DOCK7: variants seen among roughly 807,000 people sequenced by gnomAD.
The protein encoded by DOCK7 is dedicator of cytokinesis 7, also known as dedicator of cytokinesis protein 7.
A neutral mutation model predicts 271.0 loss-of-function variants in DOCK7; 138 were observed. That is an observed-to-expected ratio of 0.51 (90% confidence interval 0.44 to 0.59). The LOEUF is 0.59. DOCK7 is among the 20% of genes least tolerant of loss of function. The pLI is 0.00. For missense variants in DOCK7, 2,066 were observed against 2,592.4 expected (o/e 0.80, Z 4.41); for synonymous variants, 823 against 876.1 (o/e 0.94, Z 1.07).
At chr1:62,475,535 G>A in intron 46 of DOCK7, 172 bp downstream of exon 46, 1 of 1,054,746 alleles carries the variant, frequency 9.5e-7, no homozygotes, top group African/African-American at 1.6e-5. Flanking sequence ...AAAAGCTGGG[G>A]GTGAATTAGG....
intron 11 of DOCK7, 100 bp downstream of exon 11, chr1:62,631,140 G>T: frequency 9.4e-7 from 1 of 1,069,370 alleles, no homozygotes; most frequent in Non-Finnish European, 1.3e-6. Flanking sequence ...AGCCAAGATC[G>T]TGCCACTGCC....
intron 11 of DOCK7, among the ~76,000 whole-genome samples, chr1:62,626,417 T>C (rs1571822385): frequency 6.7e-6 from 1 of 149,962 alleles, no homozygotes; most frequent in African/African-American, 2.5e-5. Flanking sequence ...ATAAAAACCA[T>C]ACAGAAAAAT....
At position 62,505,664 on chromosome 1, in the gene DOCK7, A is replaced by G; in HGVS notation, c.4611+18T>C. The G allele has an allele frequency of 1.3e-6, 2 of 1,598,036 alleles. No homozygotes were observed. The highest frequency in any genetic ancestry group is 2.3e-5 in the South Asian group (2 of 87,336). ...AAAAAACAAAGTCTGACAACACTGC[A>G]GGTACAAAATAACCTACCTTTGAAA... On this transcript the variant is annotated intron_variant, in intron 36 of 49. Transcript: ENST00000635253.
chr1:62,619,844 C>A, intron 13 of DOCK7, 56 bp downstream of exon 13: 3 of 1,119,348 alleles, frequency 2.7e-6, no homozygotes, highest in South Asian at 1.4e-5. Flanking sequence ...ATAAGCAATA[C>A]AACATAGTAG....
chr1:62,614,449 T>C (rs543085088), intron 14 of DOCK7, among the ~76,000 whole-genome samples: 13 of 152,132 alleles, frequency 8.5e-5, no homozygotes, highest in Middle Eastern at 6.8e-3. Context: ...TAAGGTCCCA[T>C]GGACATTGAT....
chr1:62,565,805 C>T (rs1008350279), intron 18 of DOCK7, among the ~76,000 whole-genome samples: 9 of 152,136 alleles, frequency 5.9e-5, no homozygotes, highest in South Asian at 2.1e-4. Flanking sequence ...TTTTAGAAAA[C>T]CCCATTGTCT....
In DOCK7 at chr1:62,584,222, T is replaced by C. The variant is rs1402677358; in HGVS notation, c.1801-968A>G. 3 of 981,828 alleles carry C rather than the reference T, an allele frequency of 3.1e-6. No homozygotes were observed. The African/African-American group carries it at 5.2e-5, about 17-fold the overall frequency. 60.8% of individuals were successfully genotyped at this position (981,828 alleles called of 1,614,324 possible). A position where few individuals can be genotyped will look rare whatever the true frequency, so the allele number is the denominator to read the frequency against. On this transcript the variant is annotated intron_variant, in intron 15 of 49. Transcript: ENST00000635253. ...TTGCAACATTTCAAGCAGGCTCTTT[T>C]ATTTTAAGGGTATGTACAAGTGTAA...
At chr1:62,681,855 A>G (rs1661205250) in intron 1 of DOCK7, among the ~76,000 whole-genome samples, 1 of 152,196 alleles carries the variant, frequency 6.6e-6, no homozygotes, top group Non-Finnish European at 1.5e-5. Flanking sequence ...CAAGACAGCA[A>G]AGCATACACA....
chr1:62,654,186 G>A (rs779865399), intron 2 of DOCK7, 27 bp from the exon 3 acceptor site: 1 of 1,582,712 alleles, frequency 6.3e-7, no homozygotes, highest in Non-Finnish European at 8.6e-7. Flanking sequence ...GATAAGAGAT[G>A]GGTAGAAAAC....
rs535945599 is a variant in DOCK7 at position 62,629,322 on chromosome 1, A to G, written c.1282+1918T>C. On this transcript the variant is annotated intron_variant, in intron 11 of 49. Coordinates refer to ENST00000635253, the MANE Select transcript of DOCK7 (RefSeq NM_001367561.1). The stretch of plus-strand genomic sequence containing the variant: ...TCAACACTATGAAACATTATGCATA[A>G]TAAACTAAAAGTAGAAAACCCAAAT... The G allele has an allele frequency of 5.9e-5, 9 of 152,356 alleles. 1 individual carries two copies. The highest frequency in any genetic ancestry group is 2.2e-4 in the African/African-American group (9 of 41,586). The allele number at this position is 152,356 out of a possible 1,614,324, so 9.4% of individuals were successfully genotyped here.
intron 39 of DOCK7, 23 bp from the exon 40 acceptor site, chr1:62,494,490 TCCATTAGTATGTGCTTCCCAAG>T: frequency 6.3e-7 from 1 of 1,580,286 alleles, no homozygotes; most frequent in South Asian, 1.1e-5. Context: ...GAAATTCTTC[TCCATTAGTATGTGCTTCCCAAG>T]CTGGGAGGGA....
intron 1 of DOCK7, among the ~76,000 whole-genome samples, chr1:62,687,413 T>C (rs1163705873): frequency 1.3e-5 from 2 of 152,222 alleles, no homozygotes; most frequent in Non-Finnish European, 2.9e-5. Context: ...TCACTTGCTT[T>C]ACTTCAAGAC....
chr1:62,644,509 A>G (rs1377812875), intron 7 of DOCK7, among the ~76,000 whole-genome samples: 2 of 152,280 alleles, frequency 1.3e-5, no homozygotes, highest in South Asian at 2.1e-4. Flanking sequence ...CCTAATGTAA[A>G]ATTAGCTACA....
intron 18 of DOCK7, among the ~76,000 whole-genome samples, chr1:62,572,121 T>C (rs780614498): frequency 1.3e-5 from 2 of 152,082 alleles, no homozygotes; most frequent in Non-Finnish European, 2.9e-5. Flanking sequence ...ACAAACATTA[T>C]CTGAAAACTG....
intron 1 of DOCK7, among the ~76,000 whole-genome samples, chr1:62,670,685 A>G (rs1659880901): frequency 6.6e-6 from 1 of 151,546 alleles, no homozygotes; most frequent in Non-Finnish European, 1.5e-5. Context: ...TATCTAACTA[A>G]TCTGATGGGG....
chr1:62,469,250 A>T (rs929227560), intron 48 of DOCK7, among the ~76,000 whole-genome samples: 6 of 152,226 alleles, frequency 3.9e-5, no homozygotes, highest in African/African-American at 1.4e-4. Flanking sequence ...AGAATAGAGA[A>T]GCCAGAAATA....
Position 62,633,472 on chromosome 1 carries a change from C to T in DOCK7, c.1116+26G>A, listed in dbSNP as rs182547361. The T allele has an allele frequency of 1.8e-5, 27 of 1,536,158 alleles. No individual in the cohort carries two copies. In the African/African-American group the frequency reaches 2.2e-4, roughly 12 times the overall value. On this transcript the variant is annotated intron_variant, in intron 10 of 49. Coordinates refer to ENST00000635253, the MANE Select transcript of DOCK7 (RefSeq NM_001367561.1). Reference sequence around the variant, plus strand: ...CCAAGTTACAATAGTAATAATGTGGCGGAAATGAGAAGCATAACATTCTAC... The same window carrying T: ...CCAAGTTACAATAGTAATAATGTGGTGGAAATGAGAAGCATAACATTCTAC...
intron 15 of DOCK7, 46 bp downstream of exon 15, chr1:62,586,461 T>C: frequency 2.1e-6 from 3 of 1,422,454 alleles, no homozygotes; most frequent in Non-Finnish European, 2.9e-6. Context: ...AAAAGTCTAT[T>C]TGAACTTAAT....
chr1:62,659,392 C>T (rs1329927564), intron 2 of DOCK7, among the ~76,000 whole-genome samples: 1 of 151,626 alleles, frequency 6.6e-6, no homozygotes, highest in African/African-American at 2.4e-5. Context: ...ACTAAAAAAG[C>T]TATACAAAGA....
Sources: gnomAD v4.1 joint callset for allele counts (sites outside exome capture counted in the v4.1 genomes callset) on GRCh38, gnomAD v4.1.1 for gene constraint, MANE v1.5 for transcripts, NCBI Gene and HGNC (gene_info 2026-07-23, HGNC 2026-07-21) for gene names.